Variants in ANK3 observed in about 807,000 individuals in gnomAD.
The protein encoded by ANK3 is ankyrin 3, also known as ankyrin-3.
In ANK3, 57 loss-of-function variants were observed where a neutral mutation model predicts 370.9. That is an observed-to-expected ratio of 0.15 (90% CI 0.12 to 0.19). The LOEUF is 0.19. ANK3 is among the 10% of genes least tolerant of loss of function. ANK3 has a pLI of 1.00. For synonymous variants in ANK3, 1,929 were observed against 1,946.3 expected, an observed-to-expected ratio of 0.99 and a Z score of 0.23; for missense variants, 4,439 against 5,302.1, an observed-to-expected ratio of 0.84 and a Z score of 5.06.
chr10:60,592,531 G>A (rs1214481765), intron 2 of ANK3, among the ~76,000 whole-genome samples: 7 of 152,166 alleles, frequency 4.6e-5, no homozygotes, highest in Non-Finnish European at 1.0e-4. Flanking sequence ...AGGCCAAGGC[G>A]GGTGGATCAC....
chr10:60,101,434 A>G (rs1488923810), intron 28 of ANK3, among the ~76,000 whole-genome samples: 1 of 152,216 alleles, frequency 6.6e-6, no homozygotes, highest in Admixed American at 6.5e-5. Context: ...GTTTAATTAA[A>G]GGAAGGTTTT....
At chr10:60,146,991 C>T (rs1354738981) in intron 23 of ANK3, among the ~76,000 whole-genome samples, 1 of 152,188 alleles carries the variant, frequency 6.6e-6, no homozygotes, top group Non-Finnish European at 1.5e-5. Flanking sequence ...CCCAGAGTTA[C>T]AGAATAGTTG....
chr10:60,356,690 T>A (rs2057797232), intron 1 of ANK3, among the ~76,000 whole-genome samples: 1 of 152,172 alleles, frequency 6.6e-6, no homozygotes, highest in African/African-American at 2.4e-5. Context: ...AGTCCATGTT[T>A]CCCAGACACT....
At chr10:60,214,104 A>G (rs1290187538) in intron 8 of ANK3, among the ~76,000 whole-genome samples, 1 of 152,182 alleles carries the variant, frequency 6.6e-6, no homozygotes, top group Admixed American at 6.5e-5. Context: ...CAGCAAAAAT[A>G]TATAAAAAGT....
chr10:60,383,844 T>C (rs2061880956), intron 1 of ANK3, among the ~76,000 whole-genome samples: 1 of 152,162 alleles, frequency 6.6e-6, no homozygotes, highest in African/African-American at 2.4e-5. Context: ...TAATTAGGAA[T>C]GGGGAAAGCC....
At chr10:60,090,633 C>A (rs1259100616) in intron 28 of ANK3, among the ~76,000 whole-genome samples, 1 of 152,110 alleles carries the variant, frequency 6.6e-6, no homozygotes, top group Non-Finnish European at 1.5e-5. Context: ...TTCACAGAAG[C>A]TGAAAAATGG....
At chr10:60,703,510 T>C (rs924391517) in intron 1 of ANK3, among the ~76,000 whole-genome samples, 1 of 152,194 alleles carries the variant, frequency 6.6e-6, no homozygotes, top group African/African-American at 2.4e-5. Flanking sequence ...TTGTCCACAA[T>C]GAACAGTCAA....
intron 1 of ANK3, among the ~76,000 whole-genome samples, chr10:60,326,759 T>C (rs72822287): frequency 0.034 from 5,128 of 152,168 alleles, 187 homozygotes; most frequent in African/African-American, 0.09. Flanking sequence ...CGTTGACTCA[T>C]GCCTGTAATC....
At chr10:60,549,374 T>C (rs938712600) in intron 2 of ANK3, among the ~76,000 whole-genome samples, 1 of 152,212 alleles carries the variant, frequency 6.6e-6, no homozygotes, top group Non-Finnish European at 1.5e-5. Flanking sequence ...GTTCTTGCTA[T>C]TAACTTACTG....
At chr10:60,676,832 T>C (rs953573000) in intron 1 of ANK3, among the ~76,000 whole-genome samples, 2 of 152,172 alleles carry the variant, frequency 1.3e-5, no homozygotes, top group Non-Finnish European at 1.5e-5. Flanking sequence ...TTTAGCACAG[T>C]AGAGTGACTA....
At chr10:60,215,055 T>C (rs943715686) in intron 8 of ANK3, among the ~76,000 whole-genome samples, 7 of 152,220 alleles carry the variant, frequency 4.6e-5, no homozygotes, top group African/African-American at 1.7e-4. Context: ...ATTGCCATTC[T>C]GCCTGGTGTG....
chr10:60,077,011 T>C (rs1045397200), intron 36 of ANK3, among the ~76,000 whole-genome samples: 10 of 152,326 alleles, frequency 6.6e-5, no homozygotes, highest in South Asian at 4.1e-4. Flanking sequence ...TCTAAAACTT[T>C]TTTCCAAAAC....
intron 2 of ANK3, among the ~76,000 whole-genome samples, chr10:60,445,013 G>C (rs924476811): frequency 6.6e-6 from 1 of 152,166 alleles, no homozygotes; most frequent in Non-Finnish European, 1.5e-5. Context: ...TTAGTGTTTT[G>C]AGAGAGAGTT....
In ANK3 at chr10:60,073,234, A is replaced by G. The variant is rs1173592678; in HGVS notation, c.7647T>C (p.Ser2549=). The G allele has an allele frequency of 1.2e-6, 2 of 1,614,062 alleles. No individual in the cohort carries two copies. The highest frequency in any genetic ancestry group is 1.7e-6 in the Non-Finnish European group (2 of 1,180,042). ...VTVLHYSGNV[S]SPKHAMWMRF... ...GCATCCACATGGCATGTTTTGGACT[A>G]CTAACATTGCCAGAATAGTGCAACA... The change falls in exon 37 of 44, where the codon AGT becomes AGC. Residue 2549 remains serine (S), a synonymous_variant. Coordinates refer to ENST00000280772, the MANE Select transcript of ANK3 (RefSeq NM_020987.5).
At chr10:60,307,461 T>C (rs757060745) in intron 1 of ANK3, among the ~76,000 whole-genome samples, 1 of 151,906 alleles carries the variant, frequency 6.6e-6, no homozygotes, top group Non-Finnish European at 1.5e-5. Context: ...GCCTCCTAAG[T>C]AGCTGGGAAT....
chr10:60,360,438 T>C (rs1231848392), intron 1 of ANK3, among the ~76,000 whole-genome samples: 2 of 152,146 alleles, frequency 1.3e-5, no homozygotes, highest in African/African-American at 4.8e-5. Flanking sequence ...GCCTGGAGCG[T>C]TGGCTCATGC....
intron 1 of ANK3, among the ~76,000 whole-genome samples, chr10:60,672,681 G>T (rs1285082762): frequency 6.6e-6 from 1 of 152,158 alleles, no homozygotes; most frequent in African/African-American, 2.4e-5. Flanking sequence ...TCTGCTGGAA[G>T]CCATTCTAGT....
chr10:60,452,317 C>T (rs2064628182), intron 2 of ANK3, among the ~76,000 whole-genome samples: 2 of 152,194 alleles, frequency 1.3e-5, no homozygotes, highest in Admixed American at 1.3e-4. Context: ...CTATGTGCAC[C>T]CTCAGCACGA....
intron 17 of ANK3, among the ~76,000 whole-genome samples, chr10:60,186,348 T>TCTCTC (rs1555089803): frequency 2.6e-3 from 112 of 43,488 alleles, no homozygotes; most frequent in Middle Eastern, 8.8e-3. Context: ...TCTTTCTGTC[T>TCTCTC]TTTTTTTTTT....
Sources: allele counts gnomAD v4.1 joint callset (sites outside exome capture counted in the v4.1 genomes callset), GRCh38; gene constraint gnomAD v4.1.1; transcripts MANE v1.5; gene names NCBI Gene and HGNC (gene_info 2026-07-23, HGNC 2026-07-21).